UBE3D: variants seen among roughly 807,000 people sequenced by gnomAD.
UBE3D encodes ubiquitin protein ligase E3D, also known as E3 ubiquitin-protein ligase E3D.
A neutral mutation model predicts 49.6 loss-of-function variants in UBE3D; 48 were observed. The observed-to-expected ratio is 0.97, with a 90% CI of 0.77 to 1.23. The LOEUF is 1.23. UBE3D is among the 50% of genes most tolerant of loss of function. The pLI is 0.00. For missense variants in UBE3D, 452 were observed against 468.4 expected (o/e 0.96, Z 0.32); for synonymous variants, 189 against 174.2 (o/e 1.08, Z -0.67).
intron 9 of UBE3D, among the ~76,000 whole-genome samples, chr6:82,940,471 A>G (rs1774927961): frequency 6.6e-6 from 1 of 152,234 alleles, no homozygotes; most frequent in Non-Finnish European, 1.5e-5. Flanking sequence ...GGACAAAGGC[A>G]TTAGCAGGAA....
At chr6:82,952,800 T>G (rs909331491) in intron 9 of UBE3D, among the ~76,000 whole-genome samples, 3 of 152,154 alleles carry the variant, frequency 2.0e-5, no homozygotes, top group Non-Finnish European at 4.4e-5. Flanking sequence ...AAAGCACAAC[T>G]AAGAAATCAG....
intron 4 of UBE3D, among the ~76,000 whole-genome samples, chr6:83,041,658 CAG>C (rs771903300): frequency 2.0e-5 from 3 of 152,258 alleles, no homozygotes; most frequent in East Asian, 1.9e-4. Flanking sequence ...TGAATACTTA[CAG>C]AGTTTGACAA....
chr6:83,044,639 G>C lies in UBE3D; in HGVS notation c.386C>G (p.Pro129Arg). ...AGCTCCCCAGTTCTCACTCGGCAGT[G>C]GGAGCACCCTGAGGAGCTTCCTAGT... ...IKDRKLLRVL[P>R]LPSENWGALV... The change falls in exon 4 of 10, where the codon CCA becomes CGA. Residue 129 changes from proline to arginine, a missense_variant. Pro to Arg is a moderately radical substitution (Grantham distance 103). Coordinates refer to ENST00000369747, the MANE Select transcript of UBE3D (RefSeq NM_198920.3). 6.2e-7 allele frequency: 1 copy of C among 1,614,008 alleles called. No homozygotes were observed. Among genetic ancestry groups the C allele is most frequent in the Non-Finnish European group, 8.5e-7 (1 of 1,179,912 alleles).
chr6:82,943,640 CA>C (rs1582421662), intron 9 of UBE3D, among the ~76,000 whole-genome samples: 1 of 151,844 alleles, frequency 6.6e-6, no homozygotes, highest in Non-Finnish European at 1.5e-5. Flanking sequence ...TGTCTCAAAA[CA>C]AAAAACAAAC....
intron 5 of UBE3D, among the ~76,000 whole-genome samples, chr6:83,025,091 A>G (rs1158557419): frequency 1.3e-5 from 2 of 152,218 alleles, no homozygotes; most frequent in Non-Finnish European, 2.9e-5. Context: ...AACATCATAT[A>G]ACTGAATAAC....
At chr6:82,964,929 T>C (rs1028421116) in intron 8 of UBE3D, among the ~76,000 whole-genome samples, 1 of 152,146 alleles carries the variant, frequency 6.6e-6, no homozygotes, top group African/African-American at 2.4e-5. Context: ...ATGAACAGTA[T>C]CCATAAGAAA....
chr6:83,040,057 G>A (rs1051424503), intron 4 of UBE3D, among the ~76,000 whole-genome samples: 1 of 152,150 alleles, frequency 6.6e-6, no homozygotes, highest in Non-Finnish European at 1.5e-5. Context: ...ATGTGTGCAT[G>A]AGTGTATGTG....
chr6:82,975,666 C>G (rs1343147646), intron 8 of UBE3D, among the ~76,000 whole-genome samples: 1 of 152,020 alleles, frequency 6.6e-6, no homozygotes, highest in Non-Finnish European at 1.5e-5. Flanking sequence ...AGAAACTGAT[C>G]AAGTCATCTT....
intron 9 of UBE3D, among the ~76,000 whole-genome samples, chr6:82,908,262 T>C (rs1772246136): frequency 6.6e-6 from 1 of 152,150 alleles, no homozygotes; most frequent in Admixed American, 6.6e-5. Context: ...GGATAATGGT[T>C]ACATGGGTGT....
chr6:82,902,770 T>C (rs1341186340), intron 9 of UBE3D, among the ~76,000 whole-genome samples: 5 of 152,214 alleles, frequency 3.3e-5, no homozygotes, highest in Non-Finnish European at 7.3e-5. Context: ...ACAGACTGTT[T>C]AAATTTTTCA....
At chr6:82,957,248 T>C in intron 9 of UBE3D, 64 bp downstream of exon 9, 1 of 1,554,528 alleles carries the variant, frequency 6.4e-7, no homozygotes, top group African/African-American at 1.4e-5. Context: ...AAAGAGAGGA[T>C]CCTTAAAAAA....
In UBE3D at chr6:83,058,002, A is replaced by C. The variant is rs368913478; in HGVS notation, c.98T>G (p.Met33Arg). ...LILGEPKEGG[M>R]PMNISIMPSS... ...TGGCATTATGGAAATATTCATGGGCATACCTCCTTCTTTCGGTTCTCTGGT... is the reference window on the plus strand; with the variant it reads ...TGGCATTATGGAAATATTCATGGGCCTACCTCCTTCTTTCGGTTCTCTGGT... The change falls in exon 2 of 10, where the codon ATG becomes AGG. Residue 33 changes from methionine (M) to arginine (R), a missense_variant. Met to Arg is a moderately conservative substitution (Grantham distance 91, BLOSUM62 -1). Coordinates refer to ENST00000369747, the MANE Select transcript of UBE3D (RefSeq NM_198920.3). The C allele has an allele frequency of 6.2e-7, 1 of 1,614,096 alleles. No individual in the cohort carries two copies. The highest frequency in any genetic ancestry group is 8.5e-7 in the Non-Finnish European group (1 of 1,180,048).
chr6:83,006,764 G>A, intron 8 of UBE3D, among the ~76,000 whole-genome samples: 1 of 152,144 alleles, frequency 6.6e-6, no homozygotes, highest in East Asian at 1.9e-4. Context: ...GCTGGGGTGA[G>A]TGGGAAAGAG....
chr6:83,045,844 T>C (rs1782988955), intron 3 of UBE3D, among the ~76,000 whole-genome samples: 1 of 152,200 alleles, frequency 6.6e-6, no homozygotes, highest in South Asian at 2.1e-4. Flanking sequence ...ATCTAATTTA[T>C]GATAATACTT....
intron 8 of UBE3D, among the ~76,000 whole-genome samples, chr6:82,998,229 T>G (rs1779382178): frequency 6.6e-6 from 1 of 152,224 alleles, no homozygotes; most frequent in South Asian, 2.1e-4. Flanking sequence ...TAGAGGTACA[T>G]GCACCTGGAA....
At chr6:82,997,128 G>T (rs529599173) in intron 8 of UBE3D, among the ~76,000 whole-genome samples, 1 of 152,230 alleles carries the variant, frequency 6.6e-6, no homozygotes, top group Admixed American at 6.5e-5. Context: ...CCAAAGTAAA[G>T]TTTTTAAAGA....
At chr6:82,886,607 G>A in the UBE3D span, among the ~76,000 whole-genome samples, 1 of 152,210 alleles carries the variant, frequency 6.6e-6, no homozygotes, top group East Asian at 1.9e-4. Flanking sequence ...AAATTGCCAG[G>A]AGCAATTGTC....
chr6:83,038,151 G>T, intron 5 of UBE3D: 1 of 274,136 alleles, frequency 3.6e-6, no homozygotes, highest in Non-Finnish European at 6.7e-6. Context: ...TTATACTATT[G>T]CTTTATATCT....
intron 4 of UBE3D, among the ~76,000 whole-genome samples, chr6:83,038,704 C>G (rs923420308): frequency 5.3e-5 from 8 of 152,182 alleles, no homozygotes; most frequent in Non-Finnish European, 1.0e-4. Flanking sequence ...TTTTCCAAAA[C>G]CAGCCACTTC....
Sources: gnomAD v4.1 joint callset for allele counts (sites outside exome capture counted in the v4.1 genomes callset) on GRCh38, gnomAD v4.1.1 for gene constraint, MANE v1.5 for transcripts, NCBI Gene and HGNC (gene_info 2026-07-23, HGNC 2026-07-21) for gene names.